ATXN10: variants seen among roughly 807,000 people sequenced by gnomAD.
ATXN10 encodes ataxin-10.
ATXN10 carries 28 observed loss-of-function variants against 52.9 expected under a neutral mutation model. That is an observed-to-expected ratio of 0.53 (90% confidence interval 0.39 to 0.73). The LOEUF is 0.73. Ranked by LOEUF, ATXN10 falls within the 30% of genes least tolerant of loss-of-function variation. The probability of loss-of-function intolerance (pLI) is 0.00; values close to 1 mark genes in which losing one functional copy is unlikely to be tolerated. For synonymous variants in ATXN10, 226 were observed against 221.5 expected, an observed-to-expected ratio of 1.02 and a Z score of -0.18; for missense variants, 565 against 577.0, an observed-to-expected ratio of 0.98 and a Z score of 0.21.
At chr22:45,738,629 CTT>C in intron 7 of ATXN10, 100 bp from the exon 8 acceptor site, 1 of 1,040,756 alleles carries the variant, frequency 9.6e-7, no homozygotes, top group East Asian at 2.6e-5. Flanking sequence ...AGCACAGACT[CTT>C]TAAATTTATT....
chr22:45,724,852 A>G (rs1022011961), intron 6 of ATXN10, among the ~76,000 whole-genome samples: 3 of 152,050 alleles, frequency 2.0e-5, no homozygotes, highest in Non-Finnish European at 2.9e-5. Flanking sequence ...TGAGAGATCT[A>G]GTTTCATTTT....
chr22:45,834,149 C>T (rs992123466), intron 10 of ATXN10, among the ~76,000 whole-genome samples: 1 of 152,176 alleles, frequency 6.6e-6, no homozygotes, highest in Non-Finnish European at 1.5e-5. Flanking sequence ...GGTAAACTGA[C>T]AATCTCATTT....
chr22:45,685,177 A>G (rs937982045), intron 1 of ATXN10, among the ~76,000 whole-genome samples: 2 of 152,062 alleles, frequency 1.3e-5, no homozygotes, highest in Non-Finnish European at 2.9e-5. Flanking sequence ...AGACCTATCT[A>G]ACCTGTTACA....
At chr22:45,686,980 A>G (rs1378120866) in intron 1 of ATXN10, among the ~76,000 whole-genome samples, 1 of 152,186 alleles carries the variant, frequency 6.6e-6, no homozygotes, top group Non-Finnish European at 1.5e-5. Flanking sequence ...GGGAGAGCAT[A>G]TGACAGTGAT....
At position 45,819,235 on chromosome 22, in the gene ATXN10, T is replaced by C. The variant is rs1214116562; in HGVS notation, c.1237+12213T>C. On this transcript the variant is annotated intron_variant, in intron 10 of 11. Transcript: ENST00000252934. This position sits in a 1 kb window ranked among gnomAD's most constrained non-coding sequence, Gnocchi z 4.5. ...TAGAATAGAATAGAATAGAATAGAA[T>C]AGAATAGAATAGAATAGGCTTTTAT... Among the ~76,000 whole-genome samples the C allele has an allele frequency of 6.8e-6, 1 of 147,916 alleles. No homozygotes were observed. The highest frequency in any genetic ancestry group is 1.5e-5 in the Non-Finnish European group (1 of 67,774).
At chr22:45,817,379 C>T (rs1928499082) in intron 10 of ATXN10, among the ~76,000 whole-genome samples, 1 of 136,220 alleles carries the variant, frequency 7.3e-6, no homozygotes, top group Non-Finnish European at 1.5e-5. Flanking sequence ...GGCTGGAGTG[C>T]AATGGCGCGA....
intron 9 of ATXN10, among the ~76,000 whole-genome samples, chr22:45,745,855 C>T (rs1044437360): frequency 2.6e-5 from 4 of 152,092 alleles, no homozygotes; most frequent in African/African-American, 9.7e-5. Context: ...GCAAGTAAGA[C>T]AGTTCTTTTC....
intron 9 of ATXN10, among the ~76,000 whole-genome samples, chr22:45,803,392 C>T (rs974697901): frequency 3.9e-5 from 6 of 152,170 alleles, no homozygotes; most frequent in Non-Finnish European, 7.3e-5. Context: ...TATTTAATTC[C>T]TGTTCATTCT....
rs1928881358 is a variant in ATXN10, at chr22:45,828,256, A to G, written c.1238-14735A>G. On this transcript the variant is annotated intron_variant, in intron 10 of 11. Transcript: ENST00000252934. This position sits in a 1 kb window ranked among gnomAD's most constrained non-coding sequence, Gnocchi z 4.5. ...AGAGACAAATGAAAATGAAAAGACA[A>G]CATAACAGAACTTATGGGACACAGC... Among the ~76,000 whole-genome samples the G allele has an allele frequency of 1.3e-5, 2 of 152,006 alleles. No individual in the cohort carries two copies. The highest frequency in any genetic ancestry group is 6.6e-5 in the Admixed American group (1 of 15,260).
At chr22:45,760,919 A>C (rs1926366012) in intron 9 of ATXN10, among the ~76,000 whole-genome samples, 1 of 152,206 alleles carries the variant, frequency 6.6e-6, no homozygotes. Context: ...AGGTTGCTAC[A>C]GCAGTGGAGG....
chr22:45,724,948 G>A (rs954403405), intron 6 of ATXN10, among the ~76,000 whole-genome samples: 1 of 152,000 alleles, frequency 6.6e-6, no homozygotes, highest in Non-Finnish European at 1.5e-5. Flanking sequence ...TGCTTTTATG[G>A]AAGGTTAGTT....
At chr22:45,827,266 T>C (rs1459699155) in intron 10 of ATXN10, among the ~76,000 whole-genome samples, 2 of 152,062 alleles carry the variant, frequency 1.3e-5, no homozygotes, top group Non-Finnish European at 2.9e-5. Flanking sequence ...AAATAAGTTA[T>C]AAGACATATG....
At position 45,738,724 on chromosome 22, in the gene ATXN10, T is replaced by C. The variant is rs1234387271; in HGVS notation, c.895-7T>C. On this transcript the variant is annotated splice_polypyrimidine_tract_variant and splice_region_variant and intron_variant, in intron 7 of 11. Transcript: ENST00000252934. ...TGCTAAAAAGTTATGTTTTCTTTTC[T>C]TTCTAGGAGGCACTGGCTACAATTA... 11 of 1,611,120 alleles carry C rather than the reference T, an allele frequency of 6.8e-6. No homozygotes were observed. Among genetic ancestry groups the C allele is most frequent in the African/African-American group, 1.3e-5 (1 of 74,884 alleles).
rs2058885573 is a variant in ATXN10 at position 45,808,343 on chromosome 22, CAG to C, written c.1237+1322_1237+1323del. Among the ~76,000 whole-genome samples, 5 of 152,366 alleles carry C rather than the reference CAG, an allele frequency of 3.3e-5. No homozygotes were observed. In the South Asian group the frequency reaches 1.0e-3, roughly 32 times the overall value. On this transcript the variant is annotated intron_variant, in intron 10 of 11. Transcript: ENST00000252934. ...TATTATGAAAAAAGAAATTCACTCACAGTTTACTTTTACATTCCCTGAATTGA... is the reference window on the plus strand; with the variant it reads ...TATTATGAAAAAAGAAATTCACTCACTTTACTTTTACATTCCCTGAATTGA...
rs867677974 is a variant in ATXN10 at position 45,684,143 on chromosome 22, T to G, written c.117-5569T>G. 1.0e-3 allele frequency among the ~76,000 whole-genome samples: 157 copies of G among 151,922 alleles called. No individual in the cohort carries two copies. In the Middle Eastern group the frequency reaches 0.027, roughly 26 times the overall value. On this transcript the variant is annotated intron_variant, in intron 1 of 11. Transcript: ENST00000252934. This position sits in a 1 kb window ranked among gnomAD's most constrained non-coding sequence, Gnocchi z 4.1. The stretch of plus-strand genomic sequence containing the variant: ...AATTAAAACAAGTTTTTTTGTTTTT[T>G]TTTTTTTTGTAGAGATAGGGTCTTG...
chr22:45,675,765 G>T (rs995528414), intron 1 of ATXN10: 2 of 152,172 alleles, frequency 1.3e-5, no homozygotes, highest in African/African-American at 4.8e-5. Context: ...TTGCTATGTA[G>T]CAATACATCA....
At chr22:45,753,377 CTTTTTTTTTTTTTTTTTTTTTTTTTTTT>C (rs71190680) in intron 9 of ATXN10, among the ~76,000 whole-genome samples, 43 of 57,868 alleles carry the variant, frequency 7.4e-4, no homozygotes, top group Non-Finnish European at 9.0e-4. Context: ...CTCTTACCAG[CTTTTTTTTTTTTTTTTTTTTTTTTTTTT>C]TTTTTTTTTT....
chr22:45,691,634 G>A (rs907668086), intron 2 of ATXN10, among the ~76,000 whole-genome samples: 4 of 152,328 alleles, frequency 2.6e-5, no homozygotes, highest in Non-Finnish European at 4.4e-5. Flanking sequence ...GGTGGCTCAC[G>A]CCTGTAATCC....
intron 9 of ATXN10, chr22:45,792,530 C>T: frequency 6.4e-6 from 1 of 156,416 alleles, no homozygotes. Context: ...GTCCCCTTTT[C>T]TGGTGTCATG....
Sources: allele counts gnomAD v4.1 joint callset (sites outside exome capture counted in the v4.1 genomes callset), GRCh38; gene constraint gnomAD v4.1.1; non-coding constraint Gnocchi (gnomAD v3.1); transcripts MANE v1.5; gene names NCBI Gene and HGNC (gene_info 2026-07-23, HGNC 2026-07-21).